The following NFATC2 variants were observed in gnomAD, a reference collection of about 807,000 sequenced individuals.
The protein encoded by NFATC2 is nuclear factor of activated T-cells, cytoplasmic 2.
NFATC2 carries 22 observed loss-of-function variants against 87.3 expected under a neutral mutation model. The ratio of observed to expected loss-of-function variants is 0.25; its 90% CI spans 0.18 to 0.36. The LOEUF is 0.36. Ranked by LOEUF, NFATC2 falls within the 10% of genes least tolerant of loss-of-function variation. The pLI is 1.00. For synonymous variants in NFATC2, 565 were observed against 542.2 expected (o/e 1.04, Z -0.58); for missense variants, 1,149 against 1,259.1 (o/e 0.91, Z 1.32).
upstream of NFATC2, among the ~76,000 whole-genome samples, chr20:51,547,030 G>A (rs2076895124): frequency 6.6e-6 from 1 of 152,146 alleles, no homozygotes; most frequent in Non-Finnish European, 1.5e-5. Flanking sequence ...GGTAAGTGGG[G>A]CCCAGGAGAC....
intron 10 of NFATC2, 72 bp from the exon 11 acceptor site, chr20:51,391,523 G>A: frequency 6.7e-7 from 1 of 1,501,264 alleles, no homozygotes. Context: ...CATGCATCAG[G>A]TTCACTTTCT....
intron 6 of NFATC2, among the ~76,000 whole-genome samples, chr20:51,436,393 A>T (rs370192466): frequency 2.1e-4 from 30 of 142,494 alleles, no homozygotes; most frequent in Admixed American, 7.0e-4. Context: ...CTATCTTTCT[A>T]TTTTTTTTTT....
In NFATC2 at chr20:51,432,209, G is replaced by A. The variant is rs1429909907; in HGVS notation, c.2580C>T (p.Tyr860=). ...SQGQRLSPGS[Y]PTVIQQQNAT... is the part of the protein sequence containing the mutation. The stretch of plus-strand genomic sequence containing the variant: ...CATTCTGCTGCTGAATGACTGTGGG[G>A]TAGGAACCCGGGCTCAGCCTCTGAC... Residue 860 remains tyrosine, a synonymous_variant, in exon 9 of 11, where the codon TAC becomes TAT. Transcript: ENST00000371564. This position sits in a 1 kb window ranked among gnomAD's most constrained non-coding sequence, Gnocchi z 4.6. The A allele has an allele frequency of 1.2e-6, 2 of 1,613,562 alleles. No individual in the cohort carries two copies. Among genetic ancestry groups the A allele is most frequent in the Non-Finnish European group, 1.7e-6 (2 of 1,179,636 alleles).
chr20:51,554,548 G>T (rs2076961324), intron 1 of NFATC2, among the ~76,000 whole-genome samples: 1 of 152,212 alleles, frequency 6.6e-6, no homozygotes, highest in Non-Finnish European at 1.5e-5. Flanking sequence ...AAAAATGGAA[G>T]CTAACAGGAA....
At chr20:51,501,063 A>T (rs2076082376) in intron 3 of NFATC2, among the ~76,000 whole-genome samples, 1 of 151,196 alleles carries the variant, frequency 6.6e-6, no homozygotes, top group South Asian at 2.1e-4. Flanking sequence ...TCCCAACCTA[A>T]AGACACTCAA....
At chr20:51,476,998 C>T (rs775981245) in intron 3 of NFATC2, among the ~76,000 whole-genome samples, 2 of 152,134 alleles carry the variant, frequency 1.3e-5, no homozygotes, top group Non-Finnish European at 2.9e-5. Context: ...TTTAGTAAAA[C>T]TACATAAATA....
chr20:51,514,709 C>T (rs2076324577), intron 3 of NFATC2, among the ~76,000 whole-genome samples: 1 of 152,028 alleles, frequency 6.6e-6, no homozygotes. Flanking sequence ...CCTGTCTCTA[C>T]TAAAAATACA....
Position 51,432,136 on chromosome 20 carries a change from T to A in NFATC2, c.2653A>T (p.Lys885Ter), listed in dbSNP as rs763124205. 6.3e-7 allele frequency: 1 copy of A among 1,585,470 alleles called. No homozygotes were observed. Among genetic ancestry groups the A allele is most frequent in the Non-Finnish European group, 8.6e-7 (1 of 1,162,720 alleles). ...AKNGPPVSDQ[K>*]EVLPAGVTIK... ...GTCACCCCCGCAGGTAATACTTCCT[T>A]TTGGTCACTGACCGGGGGTCCGTTT... Residue 885 changes from lysine (K) to a stop codon, truncating the protein, a stop_gained, in exon 9 of 11, where the codon AAG (lysine) becomes TAG (stop). Transcript: ENST00000371564. LOFTEE classifies it high-confidence loss of function. The surrounding 1 kb of genome is among the most constrained non-coding windows in gnomAD (Gnocchi z 4.6).
chr20:51,454,518 G>A, intron 6 of NFATC2, 30 bp downstream of exon 6: 1 of 1,612,256 alleles, frequency 6.2e-7, no homozygotes, highest in Non-Finnish European at 8.5e-7. Context: ...GATTCTGGGG[G>A]ACAGAGAAAG....
In NFATC2 at chr20:51,401,999, C is replaced by T. The variant is rs550477740; in HGVS notation, c.2723-3269G>A. On this transcript the variant is annotated intron_variant, in intron 9 of 10. Coordinates refer to ENST00000371564, the MANE Select transcript of NFATC2 (RefSeq NM_012340.5). ...TTAAGGGAAACCCTGCGTGCATCTC[C>T]GTGGTGGAACCAATGGGAATCAGGC... Among the ~76,000 whole-genome samples, 18 of 152,300 alleles carry T rather than the reference C, an allele frequency of 1.2e-4. No homozygotes were observed. In the East Asian group the frequency reaches 1.3e-3, roughly 11 times the overall value.
chr20:51,496,599 A>T (rs921751793), intron 3 of NFATC2, among the ~76,000 whole-genome samples: 6 of 152,134 alleles, frequency 3.9e-5, no homozygotes, highest in African/African-American at 1.4e-4. Flanking sequence ...CATTAATTGG[A>T]CACATACTGT....
At chr20:51,502,347 A>G (rs76292444) in intron 3 of NFATC2, among the ~76,000 whole-genome samples, 27 of 152,290 alleles carry the variant, frequency 1.8e-4, no homozygotes, top group African/African-American at 6.0e-4. Context: ...TTGTTTTGAG[A>G]CAGGATCTCA....
intron 6 of NFATC2, among the ~76,000 whole-genome samples, chr20:51,447,318 A>G (rs1985194307): frequency 6.6e-6 from 1 of 152,208 alleles, no homozygotes; most frequent in African/African-American, 2.4e-5. Flanking sequence ...CCAGCAAAAC[A>G]AAACAAAAAA....
chr20:51,462,154 G>C (rs1438490835), intron 5 of NFATC2, among the ~76,000 whole-genome samples: 1 of 151,694 alleles, frequency 6.6e-6, no homozygotes, highest in Non-Finnish European at 1.5e-5. Flanking sequence ...GAAATAACAG[G>C]CCGGGCAGGG....
At chr20:51,416,806 A>G (rs1235204664) in intron 9 of NFATC2, among the ~76,000 whole-genome samples, 4 of 152,158 alleles carry the variant, frequency 2.6e-5, no homozygotes, top group Non-Finnish European at 5.9e-5. Context: ...ACCTAAGGCC[A>G]CACCCCCAAG....
rs10636594 is a variant in NFATC2 at position 51,387,858 on chromosome 20, C to CTTTTTTTT, written c.*3630_*3637dup. 8.0e-6 allele frequency: 1 copy of CTTTTTTTT among 124,792 alleles called. No homozygotes were observed. Among genetic ancestry groups the CTTTTTTTT allele is most frequent in the African/African-American group, 2.9e-5 (1 of 34,390 alleles). 7.7% of individuals were successfully genotyped at this position (124,792 alleles called of 1,614,324 possible). A position where few individuals can be genotyped will look rare whatever the true frequency, so the allele number is the denominator to read the frequency against. On this transcript the variant is annotated 3_prime_UTR_variant, in exon 11 of 11. Transcript: ENST00000371564. ...AGCAATAGAAAGCACTTGGAAAGGT[C>CTTTTTTTT]TTTTTTTTTTTTTTTTTTTGACATG...
upstream of NFATC2, among the ~76,000 whole-genome samples, chr20:51,546,275 G>A (rs544334018): frequency 6.6e-6 from 1 of 152,202 alleles, no homozygotes; most frequent in East Asian, 1.9e-4. Flanking sequence ...TTCAGACTAG[G>A]TGCCAACCCA....
chr20:51,536,898 A>AATAC (rs1555817088), intron 1 of NFATC2, among the ~76,000 whole-genome samples: 1 of 149,682 alleles, frequency 6.7e-6, no homozygotes, highest in African/African-American at 2.5e-5. Context: ...GCAAGCACCA[A>AATAC]ACACACACAC....
intron 9 of NFATC2, among the ~76,000 whole-genome samples, chr20:51,413,630 C>A (rs552033492): frequency 1.3e-5 from 2 of 152,070 alleles, no homozygotes; most frequent in African/African-American, 4.8e-5. Context: ...TGGTGGCACA[C>A]GCCTATAGTC....
Sources: gnomAD v4.1 joint callset for allele counts (sites outside exome capture counted in the v4.1 genomes callset) on GRCh38, gnomAD v4.1.1 for gene constraint, Gnocchi (gnomAD v3.1) non-coding constraint, MANE v1.5 for transcripts, NCBI Gene and HGNC (gene_info 2026-07-23, HGNC 2026-07-21) for gene names.